AMMECR1: variants seen among roughly 807,000 people sequenced by gnomAD.
AMMECR1 encodes nuclear protein AMMECR1.
In AMMECR1, 3 loss-of-function variants were observed where a neutral mutation model predicts 22.5. The ratio of observed to expected loss-of-function variants is 0.13; its 90% CI spans 0.06 to 0.35. The LOEUF is 0.35. Ranked by LOEUF, AMMECR1 falls within the 10% of genes least tolerant of loss-of-function variation. The probability of loss-of-function intolerance (pLI) is 1.00; values close to 1 mark genes in which losing one functional copy is unlikely to be tolerated. For synonymous variants in AMMECR1, 130 were observed against 116.7 expected (o/e 1.11, Z -0.74); for missense variants, 235 against 278.7 (o/e 0.84, Z 1.12).
intron 1 of AMMECR1, among the ~76,000 whole-genome samples, chrX:110,288,438 A>G (rs772972493): frequency 8.9e-6 from 1 of 112,002 alleles, no homozygotes; most frequent in Non-Finnish European, 1.9e-5. Flanking sequence ...ATTTCTCTTG[A>G]TTTCTCCTCA....
chrX:110,438,617 G>A (rs759413541), intron 1 of AMMECR1, among the ~76,000 whole-genome samples: 15 of 111,467 alleles, frequency 1.3e-4, no homozygotes. Context: ...CCCGAGACTA[G>A]TTTTGTCCTA....
At chrX:110,199,543 G>A (rs1197874579) in intron 5 of AMMECR1, among the ~76,000 whole-genome samples, 2 of 109,881 alleles carry the variant, frequency 1.8e-5, no homozygotes, top group African/African-American at 3.3e-5. Flanking sequence ...ATCCAAAATC[G>A]ATGCATAAAC....
In AMMECR1 at chrX:110,197,099, T is replaced by G. The variant is rs749107517; in HGVS notation, c.*1421A>C. On this transcript the variant is annotated 3_prime_UTR_variant, in exon 6 of 6. Coordinates refer to ENST00000262844, the MANE Select transcript of AMMECR1 (RefSeq NM_015365.3). ...TGGGGATATATGTATGGACCTCCTA[T>G]CGACATCAGTAAGTTATCTTTGTAT... is the stretch of plus-strand genomic sequence containing the variant. 1.8e-5 allele frequency: 2 copies of G among 112,135 alleles called. No homozygotes were observed. The highest frequency in any genetic ancestry group is 3.8e-5 in the Non-Finnish European group (2 of 53,154). The allele number at this position is 112,135 out of a possible 1,213,427, so 9.2% of individuals were successfully genotyped here.
chrX:110,302,589 T>C (rs941812591), intron 1 of AMMECR1, among the ~76,000 whole-genome samples: 6 of 111,675 alleles, frequency 5.4e-5, no homozygotes, highest in Non-Finnish European at 1.1e-4. Context: ...AGAATTTTCC[T>C]AGGCCAGGCG....
upstream of AMMECR1, among the ~76,000 whole-genome samples, chrX:110,320,221 G>A (rs2068073860): frequency 8.9e-6 from 1 of 111,853 alleles, no homozygotes; most frequent in African/African-American, 3.3e-5. Context: ...AAAGCAGATT[G>A]GTTTTTTTAA....
intron 1 of AMMECR1, among the ~76,000 whole-genome samples, chrX:110,266,931 C>T (rs1311613494): frequency 9.1e-6 from 1 of 110,487 alleles, no homozygotes; most frequent in African/African-American, 3.3e-5. Flanking sequence ...TGAGTGAGAA[C>T]ATGTGGTGTT....
At chrX:110,376,824 A>C (rs2068379995) in intron 2 of AMMECR1, among the ~76,000 whole-genome samples, 1 of 112,229 alleles carries the variant, frequency 8.9e-6, no homozygotes, top group Non-Finnish European at 1.9e-5. Flanking sequence ...GGCAAGTCAA[A>C]TGTATCTGGC....
In AMMECR1 at chrX:110,198,592, A is replaced by C; in HGVS notation, c.930T>G (p.Leu310=). 1 of 1,204,263 alleles carries C rather than the reference A, an allele frequency of 8.3e-7. No individual in the cohort carries two copies. The highest frequency in any genetic ancestry group is 1.1e-6 in the Non-Finnish European group (1 of 891,788). Residue 310 remains leucine, a synonymous_variant, in exon 6 of 6, where the codon CTT becomes CTG. Transcript: ENST00000262844. ...GGAAATGATGATGCTGGCGATGAGC[A>C]AGGTATTCAGCATAGCTCAGGGTCA... ...EKMTLSYAEY[L]AHRQHHHFQN...
At chrX:110,220,054 C>T (rs955848368) in intron 2 of AMMECR1, among the ~76,000 whole-genome samples, 1 of 111,786 alleles carries the variant, frequency 8.9e-6, no homozygotes, top group African/African-American at 3.2e-5. Context: ...CTCAACCAAG[C>T]TTTCCTTAAC....
At chrX:110,300,126 G>A (rs2067958390) in intron 1 of AMMECR1, among the ~76,000 whole-genome samples, 1 of 112,084 alleles carries the variant, frequency 8.9e-6, no homozygotes, top group Admixed American at 9.4e-5. Flanking sequence ...TAATGGCTAT[G>A]CCAATTTACA....
At position 110,200,935 on chromosome X, in the gene AMMECR1, T is replaced by C; in HGVS notation, c.887+19A>G. 1.7e-6 allele frequency: 2 copies of C among 1,150,786 alleles called. No homozygotes were observed. The highest frequency in any genetic ancestry group is 2.4e-6 in the Non-Finnish European group (2 of 841,015). 94.8% of individuals were successfully genotyped at this position (1,150,786 alleles called of 1,213,427 possible). On this transcript the variant is annotated intron_variant, in intron 5 of 5. Coordinates refer to ENST00000262844, the MANE Select transcript of AMMECR1 (RefSeq NM_015365.3). ...CAAAATGTACAGGTTAGCCTTGTGC[T>C]AGAAAATGTCTTCTGTACCTGGTCA...
chrX:110,399,589 T>C (rs974203283), intron 2 of AMMECR1, among the ~76,000 whole-genome samples: 3 of 112,692 alleles, frequency 2.7e-5, no homozygotes, highest in Non-Finnish European at 5.6e-5. Flanking sequence ...TTAGATGTGA[T>C]ACAAATTGAC....
At chrX:110,430,918 A>G (rs780962790) in intron 1 of AMMECR1, among the ~76,000 whole-genome samples, 1 of 112,328 alleles carries the variant, frequency 8.9e-6, no homozygotes, top group Non-Finnish European at 1.9e-5. Context: ...AGATGTGGTC[A>G]TAACATGGCT....
intron 2 of AMMECR1, among the ~76,000 whole-genome samples, chrX:110,357,988 T>G (rs1352289527): frequency 9.0e-6 from 1 of 111,621 alleles, no homozygotes; most frequent in Non-Finnish European, 1.9e-5. Context: ...ATTTGTTTCA[T>G]GAGGAGTATC....
chrX:110,346,074 C>A (rs771258327), intron 2 of AMMECR1, among the ~76,000 whole-genome samples: 3 of 112,032 alleles, frequency 2.7e-5, no homozygotes, highest in Non-Finnish European at 5.6e-5. Flanking sequence ...ACATTTTATT[C>A]TTTAAAAGAT....
At chrX:110,342,921 G>A (rs2068170952) in intron 2 of AMMECR1, among the ~76,000 whole-genome samples, 1 of 111,566 alleles carries the variant, frequency 9.0e-6, no homozygotes, top group Non-Finnish European at 1.9e-5. Context: ...GTACAAGGAG[G>A]AGCTGGTACC....
chrX:110,397,012 G>T (rs1031883228), intron 2 of AMMECR1, among the ~76,000 whole-genome samples: 1 of 111,736 alleles, frequency 8.9e-6, no homozygotes, highest in African/African-American at 3.3e-5. Flanking sequence ...AGCTGACTCC[G>T]GAGCCCACAT....
At chrX:110,264,357 C>A in intron 2 of AMMECR1, 132 bp downstream of exon 2, 1 of 418,511 alleles carries the variant, frequency 2.4e-6, no homozygotes, top group Non-Finnish European at 4.2e-6. Flanking sequence ...TGGTTAAAGA[C>A]AAAGGAAAAA....
rs757201429 is a variant in AMMECR1, at chrX:110,364,340, A to ATT, written c.-147-46493_-147-46492dup. Among the ~76,000 whole-genome samples, 7 of 111,406 alleles carry ATT rather than the reference A, an allele frequency of 6.3e-5. No individual in the cohort carries two copies. The East Asian group carries it at 2.0e-3, about 31-fold the overall frequency. On this transcript the variant is annotated intron_variant, in intron 2 of 7. Transcript: ENST00000372057. The stretch of plus-strand genomic sequence containing the variant: ...AGAGTCATATTCTAAATAAGTTCAC[A>ATT]TTTTGCAGTTCCAGTTGGATGTAAC...
Sources: gnomAD v4.1 joint callset for allele counts (sites outside exome capture counted in the v4.1 genomes callset) on GRCh38, gnomAD v4.1.1 for gene constraint, MANE v1.5 for transcripts, NCBI Gene and HGNC (gene_info 2026-07-23, HGNC 2026-07-21) for gene names.